Variants in DMXL2 observed in about 807,000 individuals in gnomAD.
DMXL2 encodes dmX-like protein 2.
In DMXL2, 103 loss-of-function variants were observed where a neutral mutation model predicts 331.1. The observed-to-expected ratio is 0.31, with a 90% CI of 0.27 to 0.37. The LOEUF is 0.37. DMXL2 is among the 10% of genes least tolerant of loss of function. DMXL2 has a pLI of 1.00. For synonymous variants in DMXL2, 1,281 were observed against 1,252.1 expected (o/e 1.02, Z -0.49); for missense variants, 3,171 against 3,642.9 (o/e 0.87, Z 3.33).
chr15:51,570,894 C>G (rs2050625292), intron 2 of DMXL2, among the ~76,000 whole-genome samples: 1 of 152,092 alleles, frequency 6.6e-6, no homozygotes, highest in Non-Finnish European at 1.5e-5. Context: ...GCGAAATAAC[C>G]AGCTAGCATC....
rs772097137 is a variant in DMXL2 at position 51,537,766 on chromosome 15, C to G, written c.1346-7G>C. Reference sequence around the variant, plus strand: ...TCTCTATCCAGGGATAAATCTGAACCAGAAAATATATTTATCAATACAAGC... The same window carrying G: ...TCTCTATCCAGGGATAAATCTGAACGAGAAAATATATTTATCAATACAAGC... On this transcript the variant is annotated splice_region_variant and splice_polypyrimidine_tract_variant and intron_variant, in intron 10 of 43. Coordinates refer to ENST00000560891, the MANE Select transcript of DMXL2 (RefSeq NM_001378457.1). 3 of 1,607,252 alleles carry G rather than the reference C, an allele frequency of 1.9e-6. No homozygotes were observed. In the Admixed American group the frequency reaches 5.0e-5, roughly 27 times the overall value.
chr15:51,482,666 G>A (rs532638558), intron 23 of DMXL2, among the ~76,000 whole-genome samples: 2 of 152,226 alleles, frequency 1.3e-5, no homozygotes, highest in African/African-American at 4.8e-5. Context: ...TGTACAAGAT[G>A]ACCCTTAAAC....
intron 1 of DMXL2, among the ~76,000 whole-genome samples, chr15:51,595,395 C>CA (rs887844086): frequency 8.5e-5 from 13 of 152,298 alleles, no homozygotes; most frequent in African/African-American, 2.9e-4. Context: ...AGGAGAACTA[C>CA]AAACCACTGC....
At chr15:51,600,359 A>T (rs2053143447) in intron 1 of DMXL2, among the ~76,000 whole-genome samples, 1 of 151,970 alleles carries the variant, frequency 6.6e-6, no homozygotes, top group South Asian at 2.1e-4. Context: ...CTCAGTGACC[A>T]CCTCTTAGTC....
At position 51,545,182 on chromosome 15, in the gene DMXL2, A is replaced by G. The variant is rs73401408; in HGVS notation, c.930+401T>C. ...AAAATAGTCATTTTTAACTAGAACA[A>G]TAAGATTTTAATCTTTATGAAACAA... is the stretch of plus-strand genomic sequence containing the variant. On this transcript the variant is annotated intron_variant, in intron 8 of 43. Transcript: ENST00000560891. 9.2e-3 allele frequency among the ~76,000 whole-genome samples: 1,397 copies of G among 152,248 alleles called. 23 individuals are homozygous for G. Among genetic ancestry groups the G allele is most frequent in the African/African-American group, 0.032 (1,318 of 41,556 alleles).
At chr15:51,508,534 G>C (rs1242046039) in intron 15 of DMXL2, among the ~76,000 whole-genome samples, 1 of 152,148 alleles carries the variant, frequency 6.6e-6, no homozygotes, top group Non-Finnish European at 1.5e-5. Flanking sequence ...GACTGCAACT[G>C]ACTGAAATAT....
At chr15:51,525,092 G>A (rs1238532644) in intron 13 of DMXL2, among the ~76,000 whole-genome samples, 1 of 151,838 alleles carries the variant, frequency 6.6e-6, no homozygotes, top group African/African-American at 2.4e-5. Context: ...TCAGAGTCAT[G>A]AGGCTCCCTT....
At chr15:51,559,884 G>C (rs1232558112) in intron 6 of DMXL2, among the ~76,000 whole-genome samples, 1 of 152,114 alleles carries the variant, frequency 6.6e-6, no homozygotes, top group Non-Finnish European at 1.5e-5. Flanking sequence ...AAACAGATTG[G>C]TATTATCTAC....
chr15:51,574,901 A>G (rs1249489705), intron 2 of DMXL2, among the ~76,000 whole-genome samples: 1 of 152,224 alleles, frequency 6.6e-6, no homozygotes, highest in Non-Finnish European at 1.5e-5. Flanking sequence ...TTCACCTCTG[A>G]CAACTATCAT....
intron 1 of DMXL2, among the ~76,000 whole-genome samples, chr15:51,583,283 G>A (rs1160414345): frequency 5.0e-5 from 4 of 80,424 alleles, no homozygotes; most frequent in Non-Finnish European, 9.7e-5. Flanking sequence ...CCCCTCCCCC[G>A]ACCCCACCAC....
At chr15:51,528,373 G>C (rs1300999820) in intron 13 of DMXL2, among the ~76,000 whole-genome samples, 2 of 151,988 alleles carry the variant, frequency 1.3e-5, no homozygotes, top group Non-Finnish European at 2.9e-5. Context: ...AAAATAAAGA[G>C]GTGGGAAAAG....
At chr15:51,460,023 G>C in intron 33 of DMXL2, 1 of 981,750 alleles carries the variant, frequency 1.0e-6, no homozygotes, top group Non-Finnish European at 1.2e-6. Context: ...CTGCCCTATA[G>C]GGGTTGATTT....
chr15:51,621,800 A>G (rs1201144520), intron 1 of DMXL2, among the ~76,000 whole-genome samples: 1 of 151,852 alleles, frequency 6.6e-6, no homozygotes, highest in African/African-American at 2.4e-5. Flanking sequence ...TTACCAAACT[A>G]CGACCTCCTG....
chr15:51,518,743 T>C (rs62014656), intron 13 of DMXL2, among the ~76,000 whole-genome samples: 98 of 152,244 alleles, frequency 6.4e-4, no homozygotes, highest in South Asian at 1.5e-3. Context: ...AGAATAGTTA[T>C]GTATTCCAGC....
chr15:51,455,127 C>G (rs768589908), intron 40 of DMXL2, 24 bp downstream of exon 40: 2 of 1,587,214 alleles, frequency 1.3e-6, no homozygotes, highest in Non-Finnish European at 1.7e-6. Context: ...TATATGCGCC[C>G]TGGGAACATT....
At chr15:51,540,862 C>A (rs1376194042) in intron 9 of DMXL2, among the ~76,000 whole-genome samples, 2 of 152,064 alleles carry the variant, frequency 1.3e-5, no homozygotes, top group African/African-American at 4.8e-5. Flanking sequence ...GACCAAGGCC[C>A]AATGGCTACA....
At chr15:51,573,909 A>G (rs1253741575) in intron 2 of DMXL2, among the ~76,000 whole-genome samples, 3 of 152,260 alleles carry the variant, frequency 2.0e-5, no homozygotes, top group South Asian at 2.1e-4. Flanking sequence ...TTAATATAAA[A>G]TAACTATTAA....
intron 28 of DMXL2, among the ~76,000 whole-genome samples, chr15:51,473,250 GTTC>G (rs2041285124): frequency 6.6e-6 from 1 of 152,044 alleles, no homozygotes; most frequent in Admixed American, 6.6e-5. Context: ...TTTTATCACA[GTTC>G]TTATCATTAC....
At chr15:51,612,398 A>AC (rs1448212896) in intron 1 of DMXL2, among the ~76,000 whole-genome samples, 1 of 152,022 alleles carries the variant, frequency 6.6e-6, no homozygotes, top group African/African-American at 2.4e-5. Flanking sequence ...GGGGAAATTC[A>AC]CCCCCAATAT....
Sources: allele counts gnomAD v4.1 joint callset (sites outside exome capture counted in the v4.1 genomes callset), GRCh38; gene constraint gnomAD v4.1.1; transcripts MANE v1.5; gene names NCBI Gene and HGNC (gene_info 2026-07-23, HGNC 2026-07-21).